The following FLT1 variants were observed in gnomAD, a reference collection of about 807,000 sequenced individuals.
The protein encoded by FLT1 is vascular endothelial growth factor receptor 1.
In FLT1, 49 loss-of-function variants were observed where a neutral mutation model predicts 156.3. The ratio of observed to expected loss-of-function variants is 0.31; its 90% CI spans 0.25 to 0.40. FLT1 has a LOEUF of 0.40. FLT1 is among the 10% of genes least tolerant of loss of function. The probability of loss-of-function intolerance (pLI) is 1.00; values close to 1 mark genes in which losing one functional copy is unlikely to be tolerated. For missense variants in FLT1, 1,322 were observed against 1,637.2 expected (o/e 0.81, Z 3.32); for synonymous variants, 594 against 583.8 (o/e 1.02, Z -0.25).
At chr13:28,407,132 C>G (rs1345929725) in intron 10 of FLT1, among the ~76,000 whole-genome samples, 1 of 152,224 alleles carries the variant, frequency 6.6e-6, no homozygotes. Context: ...CGTATTCACT[C>G]TGTCCCCATA....
chr13:28,330,590 A>ATATATATATATATATCATATATATAT (rs1871886095), intron 18 of FLT1, among the ~76,000 whole-genome samples: 1 of 10,106 alleles, frequency 9.9e-5, no homozygotes, highest in Non-Finnish European at 6.7e-4. Flanking sequence ...CAGAGGTCCT[A>ATATATATATATATATCATATATATAT]TATATATATA....
chr13:28,323,418 G>A (rs549263311), intron 20 of FLT1, among the ~76,000 whole-genome samples: 15 of 152,252 alleles, frequency 9.9e-5, no homozygotes, highest in Admixed American at 3.3e-4. Flanking sequence ...TTGGGAGGCC[G>A]AGCCAGGTGA....
At chr13:28,426,634 C>G (rs964692421) in intron 10 of FLT1, among the ~76,000 whole-genome samples, 7 of 152,118 alleles carry the variant, frequency 4.6e-5, no homozygotes, top group Admixed American at 6.6e-5. Flanking sequence ...GACGTAAGAG[C>G]TGAGCCATGG....
chr13:28,443,308 T>A (rs1566030406), intron 3 of FLT1, among the ~76,000 whole-genome samples: 1 of 152,226 alleles, frequency 6.6e-6, no homozygotes, highest in Non-Finnish European at 1.5e-5. Flanking sequence ...ATTTTTTAAA[T>A]GTGTTTTTTC....
intron 10 of FLT1, among the ~76,000 whole-genome samples, chr13:28,416,932 A>AT (rs1313978012): frequency 6.6e-6 from 1 of 152,226 alleles, no homozygotes; most frequent in African/African-American, 2.4e-5. Context: ...ACATGCACCC[A>AT]TGTAATGTTT....
At chr13:28,397,375 T>TCCTA (rs1555234750) in intron 11 of FLT1, among the ~76,000 whole-genome samples, 1 of 152,130 alleles carries the variant, frequency 6.6e-6, no homozygotes, top group African/African-American at 2.4e-5. Flanking sequence ...GGACTGCACG[T>TCCTA]CCTACCCTAT....
intron 3 of FLT1, among the ~76,000 whole-genome samples, chr13:28,466,460 A>G (rs1364651325): frequency 1.3e-5 from 2 of 152,246 alleles, no homozygotes; most frequent in African/African-American, 4.8e-5. Context: ...ATAACACTCG[A>G]GATAACAGCA....
rs551379047 is a variant in FLT1 at position 28,449,478 on chromosome 13, C to T, written c.389-11133G>A. On this transcript the variant is annotated intron_variant, in intron 3 of 29. Transcript: ENST00000282397. ...CTTAAGAACCTCAACTATAATTTAT[C>T]AGCTAAAAATATAACAACTGTCGCC... 6.3e-4 allele frequency among the ~76,000 whole-genome samples: 96 copies of T among 152,200 alleles called. 1 individual carries two copies. The highest frequency in any genetic ancestry group is 4.9e-3 in the Admixed American group (75 of 15,296).
intron 19 of FLT1, among the ~76,000 whole-genome samples, chr13:28,329,045 C>A (rs1871814134): frequency 6.6e-6 from 1 of 152,196 alleles, no homozygotes; most frequent in East Asian, 1.9e-4. Context: ...GCTTGCACAG[C>A]TCTTTGCACC....
intron 14 of FLT1, among the ~76,000 whole-genome samples, chr13:28,370,177 C>A (rs1219568016): frequency 2.5e-4 from 38 of 151,730 alleles, no homozygotes; most frequent in Admixed American, 2.5e-3. Context: ...GAGCAAGACC[C>A]TGTCTCAAAA....
At chr13:28,318,556 G>A (rs1201061467) in intron 24 of FLT1, among the ~76,000 whole-genome samples, 4 of 152,212 alleles carry the variant, frequency 2.6e-5, no homozygotes, top group Non-Finnish European at 5.9e-5. Context: ...AAGCAGCTGG[G>A]AGGCGTGCAG....
intron 14 of FLT1, among the ~76,000 whole-genome samples, chr13:28,370,196 A>T (rs118024694): frequency 0.056 from 8,501 of 152,170 alleles, 332 homozygotes; most frequent in South Asian, 0.09. Flanking sequence ...AAAGAAAAAA[A>T]AAAAAGCTGT....
intron 29 of FLT1, among the ~76,000 whole-genome samples, chr13:28,303,580 A>C (rs776231230): frequency 5.3e-5 from 8 of 150,990 alleles, no homozygotes; most frequent in Non-Finnish European, 1.0e-4. Flanking sequence ...ATTGGGCAGA[A>C]AGACAGTGGC....
intron 14 of FLT1, among the ~76,000 whole-genome samples, chr13:28,357,889 T>TTTTCC (rs1491354372): frequency 6.9e-6 from 1 of 145,182 alleles, no homozygotes; most frequent in Non-Finnish European, 1.5e-5. Context: ...TTTTTTTTTT[T>TTTTCC]CTGCAGGCTT....
chr13:28,464,818 A>T (rs1181064745), intron 3 of FLT1, among the ~76,000 whole-genome samples: 1 of 152,244 alleles, frequency 6.6e-6, no homozygotes, highest in African/African-American at 2.4e-5. Context: ...TAAAGGTGAA[A>T]ATAGCTGAAC....
intron 6 of FLT1, among the ~76,000 whole-genome samples, chr13:28,432,919 T>C (rs1017851122): frequency 3.9e-5 from 6 of 152,262 alleles, no homozygotes; most frequent in African/African-American, 1.2e-4. Flanking sequence ...GAATAGTTTA[T>C]GACTGATAAG....
intron 1 of FLT1, among the ~76,000 whole-genome samples, chr13:28,478,544 G>A (rs972918329): frequency 1.3e-5 from 2 of 152,206 alleles, no homozygotes; most frequent in African/African-American, 4.8e-5. Flanking sequence ...AACAGTTTAA[G>A]TATAAAAGCG....
chr13:28,373,429 T>C (rs1274996714), intron 14 of FLT1, among the ~76,000 whole-genome samples: 2 of 152,168 alleles, frequency 1.3e-5, no homozygotes, highest in Non-Finnish European at 2.9e-5. Flanking sequence ...ACTGACTAGT[T>C]ATCTGAGAGT....
chr13:28,328,287 T>C (rs918480838), intron 19 of FLT1: 4 of 152,326 alleles, frequency 2.6e-5, no homozygotes, highest in African/African-American at 9.6e-5. Flanking sequence ...GCTCACAGGC[T>C]GACCTTGGTT....
Sources: allele counts gnomAD v4.1 joint callset (sites outside exome capture counted in the v4.1 genomes callset), GRCh38; gene constraint gnomAD v4.1.1; transcripts MANE v1.5; gene names NCBI Gene and HGNC (gene_info 2026-07-23, HGNC 2026-07-21).